The following RALGAPA1 variants were observed in gnomAD, a reference collection of about 807,000 sequenced individuals.
The protein encoded by RALGAPA1 is Ral GTPase activating protein catalytic subunit alpha 1.
A neutral mutation model predicts 269.6 loss-of-function variants in RALGAPA1; 52 were observed. The observed-to-expected ratio is 0.19, with a 90% CI of 0.15 to 0.24. The LOEUF (loss-of-function observed/expected upper bound fraction) is 0.24, where lower values mean the gene tolerates loss of function less well. Ranked by LOEUF, RALGAPA1 falls within the 10% of genes least tolerant of loss-of-function variation. RALGAPA1 has a pLI of 1.00. For synonymous variants in RALGAPA1, 817 were observed against 1,008.3 expected (o/e 0.81, Z 3.60); for missense variants, 1,917 against 3,013.9 (o/e 0.64, Z 8.52).
rs144589983 is a variant in RALGAPA1 at position 35,768,115 on chromosome 14, C to T, written c.325+2827G>A. On this transcript the variant is annotated intron_variant, in intron 4 of 41. Transcript: ENST00000680220. ...AGAGATTGTGTCTCATTCTGTCACC[C>T]CAATTGGAGTGTAGCAGTGTGATCA... 4.8e-3 allele frequency among the ~76,000 whole-genome samples: 724 copies of T among 152,144 alleles called. 6 individuals are homozygous for T. The highest frequency in any genetic ancestry group is 0.017 in the African/African-American group (692 of 41,500).
chr14:35,684,975 A>G lies in RALGAPA1; in HGVS notation c.4248T>C (p.His1416=), dbSNP rs544710085. The change falls in exon 20 of 42, where the codon CAT becomes CAC. Residue 1416 remains histidine, a synonymous_variant. Transcript: ENST00000680220. ...ATTGGAAAGCGCTGAAAGAATCCGA[A>G]TGACTATCTGAGCTGATAAGATCAC... The part of the protein sequence containing the change: ...GSSDLISSDS[H]SDSFSAFQYD... 6.2e-7 allele frequency: 1 copy of G among 1,613,622 alleles called. No individual in the cohort carries two copies. Among genetic ancestry groups the G allele is most frequent in the African/African-American group, 1.3e-5 (1 of 75,006 alleles).
At chr14:35,801,355 G>A (rs1289257342) in intron 1 of RALGAPA1, among the ~76,000 whole-genome samples, 1 of 151,718 alleles carries the variant, frequency 6.6e-6, no homozygotes, top group African/African-American at 2.4e-5. Flanking sequence ...TGCAACCTCT[G>A]CCTCCTGGGT....
chr14:35,709,694 G>A (rs1304954090), intron 16 of RALGAPA1, among the ~76,000 whole-genome samples: 1 of 151,132 alleles, frequency 6.6e-6, no homozygotes, highest in Non-Finnish European at 1.5e-5. Flanking sequence ...TTTCAATTCT[G>A]TACATTTTCC....
Position 35,646,052 on chromosome 14 carries a change from G to A in RALGAPA1, c.5676+5753C>T, listed in dbSNP as rs539771404. Among the ~76,000 whole-genome samples, 5 of 152,218 alleles carry A rather than the reference G, an allele frequency of 3.3e-5. No homozygotes were observed. The South Asian group carries it at 8.3e-4, about 25-fold the overall frequency. On this transcript the variant is annotated intron_variant, in intron 31 of 41. Transcript: ENST00000680220. ...AATCATTGCATAAAATCAGAATCAT[G>A]AGCCCACATTGAAATAAGATGAATA...
chr14:35,666,916 T>C (rs2063993567), intron 26 of RALGAPA1, among the ~76,000 whole-genome samples: 1 of 152,184 alleles, frequency 6.6e-6, no homozygotes, highest in East Asian at 1.9e-4. Context: ...TTGGTTTATA[T>C]ATTGGAATCT....
intron 39 of RALGAPA1, among the ~76,000 whole-genome samples, chr14:35,567,767 A>G (rs1289469201): frequency 6.6e-6 from 1 of 152,144 alleles, no homozygotes. Flanking sequence ...TGCTTGCTCA[A>G]TAAGTTGAGT....
chr14:35,614,467 C>A (rs2060131132), intron 35 of RALGAPA1, among the ~76,000 whole-genome samples: 15 of 151,920 alleles, frequency 9.9e-5, no homozygotes, highest in Admixed American at 9.8e-4. Context: ...GCCACAAAAA[C>A]CCACATATTA....
At chr14:35,599,497 C>T (rs2059143645) in intron 36 of RALGAPA1, among the ~76,000 whole-genome samples, 1 of 152,122 alleles carries the variant, frequency 6.6e-6, no homozygotes, top group Non-Finnish European at 1.5e-5. Context: ...GTAATCCCAG[C>T]ACTTTGGGAG....
At chr14:35,691,832 T>C (rs1233168766) in intron 17 of RALGAPA1, among the ~76,000 whole-genome samples, 1 of 152,186 alleles carries the variant, frequency 6.6e-6, no homozygotes, top group Non-Finnish European at 1.5e-5. Flanking sequence ...AAATATATAG[T>C]ATCTCCTGAA....
At chr14:35,774,282 T>A (rs2074858198) in intron 3 of RALGAPA1, among the ~76,000 whole-genome samples, 1 of 152,192 alleles carries the variant, frequency 6.6e-6, no homozygotes, top group Non-Finnish European at 1.5e-5. Context: ...ATTTCCAAAT[T>A]ATTTTCTATG....
chr14:35,677,867 C>CA, intron 22 of RALGAPA1, 83 bp downstream of exon 22: 1 of 1,281,146 alleles, frequency 7.8e-7, no homozygotes. Flanking sequence ...CATATATAAT[C>CA]AAATGTAAGA....
intron 12 of RALGAPA1, among the ~76,000 whole-genome samples, chr14:35,736,572 G>A (rs1372834661): frequency 6.6e-6 from 1 of 152,080 alleles, no homozygotes; most frequent in African/African-American, 2.4e-5. Flanking sequence ...GAAGAAACAG[G>A]AGGATATGCT....
At chr14:35,601,442 A>C (rs1223583395) in intron 36 of RALGAPA1, among the ~76,000 whole-genome samples, 1 of 151,908 alleles carries the variant, frequency 6.6e-6, no homozygotes, top group Non-Finnish European at 1.5e-5. Flanking sequence ...TCCTTACCTG[A>C]CCTTTGCTGT....
At chr14:35,763,752 C>A (rs983936410) in intron 4 of RALGAPA1, among the ~76,000 whole-genome samples, 1 of 150,946 alleles carries the variant, frequency 6.6e-6, no homozygotes, top group Non-Finnish European at 1.5e-5. Context: ...ATTCCCTGTA[C>A]ACACCTGAGT....
At chr14:35,741,947 G>C (rs1951843) in intron 11 of RALGAPA1, among the ~76,000 whole-genome samples, 4 of 152,082 alleles carry the variant, frequency 2.6e-5, no homozygotes, top group Admixed American at 2.6e-4. Context: ...CAAGGAGGGG[G>C]CACAAACACT....
chr14:35,603,815 T>C (rs1244744479), intron 36 of RALGAPA1, among the ~76,000 whole-genome samples: 1 of 152,058 alleles, frequency 6.6e-6, no homozygotes, highest in Non-Finnish European at 1.5e-5. Context: ...AGGTAAAGAA[T>C]AGAATGACAG....
intron 6 of RALGAPA1, among the ~76,000 whole-genome samples, 158 bp from the exon 7 acceptor site, chr14:35,757,066 G>C (rs1295817511): frequency 1.3e-5 from 2 of 150,704 alleles, no homozygotes; most frequent in African/African-American, 4.9e-5. Context: ...GATCATCCCT[G>C]ATAGTTGATC....
intron 1 of RALGAPA1, among the ~76,000 whole-genome samples, chr14:35,783,310 G>GA (rs920954701): frequency 6.6e-6 from 1 of 150,746 alleles, no homozygotes; most frequent in Non-Finnish European, 1.5e-5. Context: ...GAAAAGGAGG[G>GA]AAAAAAAAAG....
rs771697844 is a variant in RALGAPA1 at position 35,672,818 on chromosome 14, A to T, written c.5073+49T>A. 8.5e-6 allele frequency: 12 copies of T among 1,412,174 alleles called. No individual in the cohort carries two copies. In the East Asian group the frequency reaches 3.3e-4, roughly 39 times the overall value. The allele number at this position is 1,412,174 out of a possible 1,614,324, so 87.5% of individuals were successfully genotyped here. ...AGTTAAACAGAATCAAGAATCAAAG[A>T]TAATATGATATAAACTACTTCTTAG... On this transcript the variant is annotated intron_variant, in intron 25 of 41. Transcript: ENST00000680220.
Sources: allele counts gnomAD v4.1 joint callset (sites outside exome capture counted in the v4.1 genomes callset), GRCh38; gene constraint gnomAD v4.1.1; transcripts MANE v1.5; gene names NCBI Gene and HGNC (gene_info 2026-07-23, HGNC 2026-07-21).